Variants in MLLT3 observed in about 807,000 individuals in gnomAD.
MLLT3 encodes protein AF-9.
In MLLT3, 4 loss-of-function variants were observed where a neutral mutation model predicts 53.2. That is an observed-to-expected ratio of 0.08 (90% CI 0.04 to 0.17). The LOEUF (loss-of-function observed/expected upper bound fraction) is 0.17, where lower values mean the gene tolerates loss of function less well. MLLT3 is among the 10% of genes least tolerant of loss of function. The probability of loss-of-function intolerance (pLI) is 1.00; values close to 1 mark genes in which losing one functional copy is unlikely to be tolerated. For missense variants in MLLT3, 569 were observed against 684.0 expected (o/e 0.83, Z 1.87); for synonymous variants, 283 against 230.6 (o/e 1.23, Z -2.06).
chr9:20,580,472 T>C (rs147550061), intron 2 of MLLT3, among the ~76,000 whole-genome samples: 10 of 152,238 alleles, frequency 6.6e-5, no homozygotes, highest in African/African-American at 1.9e-4. Flanking sequence ...GGACTCACCA[T>C]TGGAGAGCCA....
intron 2 of MLLT3, among the ~76,000 whole-genome samples, chr9:20,462,321 T>C (rs1824130395): frequency 6.6e-6 from 1 of 152,214 alleles, no homozygotes; most frequent in African/African-American, 2.4e-5. Flanking sequence ...TTTCCTCCAT[T>C]TCCTTGAACA....
At chr9:20,493,573 T>G (rs1825006829) in intron 2 of MLLT3, among the ~76,000 whole-genome samples, 1 of 152,054 alleles carries the variant, frequency 6.6e-6, no homozygotes. Context: ...AGATGCTCAT[T>G]AGTATTATTT....
At chr9:20,577,768 G>A (rs1187984016) in intron 2 of MLLT3, among the ~76,000 whole-genome samples, 1 of 152,222 alleles carries the variant, frequency 6.6e-6, no homozygotes, top group African/African-American at 2.4e-5. Context: ...CAAGGGAGAA[G>A]AGTGAACACA....
At chr9:20,347,571 G>A (rs1330764056) in intron 10 of MLLT3, among the ~76,000 whole-genome samples, 1 of 152,158 alleles carries the variant, frequency 6.6e-6, no homozygotes, top group Non-Finnish European at 1.5e-5. Flanking sequence ...TGGTTTGAGA[G>A]ATTCTTTTAC....
At chr9:20,498,098 C>G (rs1299450139) in intron 2 of MLLT3, among the ~76,000 whole-genome samples, 1 of 151,738 alleles carries the variant, frequency 6.6e-6, no homozygotes, top group East Asian at 1.9e-4. Flanking sequence ...TGGCATGCAC[C>G]TGTAGTCCCA....
intron 2 of MLLT3, among the ~76,000 whole-genome samples, chr9:20,575,780 G>C (rs958033934): frequency 6.6e-6 from 1 of 152,186 alleles, no homozygotes; most frequent in African/African-American, 2.4e-5. Context: ...TCCATTTATA[G>C]AGCACAGGCA....
chr9:20,485,969 G>T (rs937831863), intron 2 of MLLT3, among the ~76,000 whole-genome samples: 2 of 152,066 alleles, frequency 1.3e-5, no homozygotes, highest in African/African-American at 2.4e-5. Context: ...AGCACTTCTT[G>T]AATAATGTCT....
chr9:20,452,235 T>C (rs753730289), intron 3 of MLLT3, among the ~76,000 whole-genome samples: 1 of 152,190 alleles, frequency 6.6e-6, no homozygotes, highest in Admixed American at 6.5e-5. Context: ...TCATCTTGAA[T>C]TGTGGTTCCC....
chr9:20,435,852 C>T (rs1026301245), intron 4 of MLLT3, among the ~76,000 whole-genome samples: 3 of 152,140 alleles, frequency 2.0e-5, no homozygotes, highest in South Asian at 2.1e-4. Context: ...CCTGTCTTAT[C>T]GGTCCTAGAT....
chr9:20,417,198 A>ATATTATG (rs1466143685), intron 4 of MLLT3, among the ~76,000 whole-genome samples: 1 of 140,786 alleles, frequency 7.1e-6, no homozygotes, highest in Non-Finnish European at 1.5e-5. Context: ...TATATATTAT[A>ATATTATG]TATTATATAT....
chr9:20,485,349 T>C (rs961242007), intron 2 of MLLT3, among the ~76,000 whole-genome samples: 1 of 152,234 alleles, frequency 6.6e-6, no homozygotes, highest in African/African-American at 2.4e-5. Flanking sequence ...TTAATAGTTT[T>C]ATTTTACATG....
chr9:20,545,100 A>T (rs1352770034), intron 2 of MLLT3, among the ~76,000 whole-genome samples: 9 of 72,254 alleles, frequency 1.2e-4, no homozygotes, highest in Admixed American at 1.2e-3. Flanking sequence ...TCTCTACAAA[A>T]AAAAAAAAAA....
At chr9:20,463,975 A>G (rs1485389504) in intron 2 of MLLT3, among the ~76,000 whole-genome samples, 1 of 151,460 alleles carries the variant, frequency 6.6e-6, no homozygotes, top group African/African-American at 2.4e-5. Flanking sequence ...GTCATCTGAA[A>G]CCCCAGTTCT....
intron 2 of MLLT3, among the ~76,000 whole-genome samples, chr9:20,477,076 C>T (rs1824539421): frequency 6.6e-6 from 1 of 152,088 alleles, no homozygotes; most frequent in African/African-American, 2.4e-5. Flanking sequence ...ACTTTTGTCT[C>T]CTCCCTTCTC....
chr9:20,603,451 C>T (rs1820486318), intron 2 of MLLT3, among the ~76,000 whole-genome samples: 1 of 151,978 alleles, frequency 6.6e-6, no homozygotes, highest in South Asian at 2.1e-4. Flanking sequence ...ATTTTGTTAA[C>T]TAAGGCCAAA....
intron 3 of MLLT3, among the ~76,000 whole-genome samples, chr9:20,452,621 G>T (rs765043304): frequency 6.6e-6 from 1 of 151,954 alleles, no homozygotes; most frequent in Non-Finnish European, 1.5e-5. Context: ...TAATAAATAC[G>T]CAAAAGAAAG....
In MLLT3 at chr9:20,621,919, G is replaced by T; in HGVS notation, c.12+326C>A. 1 of 1,388,282 alleles carries T rather than the reference G, an allele frequency of 7.2e-7. No homozygotes were observed. The highest frequency in any genetic ancestry group is 9.3e-7 in the Non-Finnish European group (1 of 1,077,568). The allele number at this position is 1,388,282 out of a possible 1,614,324, so 86.0% of individuals were successfully genotyped here. A position where few individuals can be genotyped will look rare whatever the true frequency, so the allele number is the denominator to read the frequency against. ...CCTTCCACCGTGTGTGTGTGTGTGT[G>T]TGAGTGCGCGCGTGTGAGCGAGAGG... On this transcript the variant is annotated intron_variant, in intron 1 of 10. Coordinates refer to ENST00000380338, the MANE Select transcript of MLLT3 (RefSeq NM_004529.4). This position sits in a 1 kb window ranked among gnomAD's most constrained non-coding sequence, Gnocchi z 7.0.
chr9:20,549,745 C>A (rs10964600), intron 2 of MLLT3, among the ~76,000 whole-genome samples: 55,585 of 152,044 alleles, frequency 0.37, 10,982 homozygotes, highest in East Asian at 0.5. Context: ...ACTACCTACT[C>A]AGACCTTTTA....
chr9:20,368,469 T>C (rs1468897456), intron 5 of MLLT3, among the ~76,000 whole-genome samples: 2 of 152,132 alleles, frequency 1.3e-5, no homozygotes, highest in Non-Finnish European at 2.9e-5. Context: ...TCACATTGTA[T>C]TGGACTTAAA....
Sources: allele counts gnomAD v4.1 joint callset (sites outside exome capture counted in the v4.1 genomes callset), GRCh38; gene constraint gnomAD v4.1.1; non-coding constraint Gnocchi (gnomAD v3.1); transcripts MANE v1.5; gene names NCBI Gene and HGNC (gene_info 2026-07-23, HGNC 2026-07-21).